The following AP4S1 variants were observed in gnomAD, a reference collection of about 807,000 sequenced individuals.
The protein encoded by AP4S1 is adaptor related protein complex 4 subunit sigma 1.
Under a neutral mutation model 19.8 loss-of-function variants are expected in AP4S1, and 23 were observed. That is an observed-to-expected ratio of 1.16 (90% CI 0.84 to 1.65). AP4S1 has a LOEUF of 1.65. AP4S1 is among the 40% of genes most tolerant of loss of function. The probability of loss-of-function intolerance (pLI) is 0.00; values close to 1 mark genes in which losing one functional copy is unlikely to be tolerated. For missense variants in AP4S1, 166 were observed against 172.8 expected (o/e 0.96, Z 0.22); for synonymous variants, 46 against 54.1 (o/e 0.85, Z 0.66).
At chr14:31,080,086 G>A (rs1479616380) in intron 4 of AP4S1, among the ~76,000 whole-genome samples, 3 of 151,894 alleles carry the variant, frequency 2.0e-5, no homozygotes, top group African/African-American at 4.8e-5. Context: ...GATATGCTAC[G>A]GTTTACTTAA....
At chr14:31,035,576 T>C (rs1884697318) in intron 1 of AP4S1, among the ~76,000 whole-genome samples, 1 of 151,586 alleles carries the variant, frequency 6.6e-6, no homozygotes, top group South Asian at 2.1e-4. Flanking sequence ...AAAAAGATGG[T>C]AATTCCAAAT....
At chr14:31,038,992 G>GT (rs11362456) in intron 1 of AP4S1, among the ~76,000 whole-genome samples, 147 of 142,582 alleles carry the variant, frequency 1.0e-3, no homozygotes, top group African/African-American at 2.7e-3. Context: ...AAATGTAGAG[G>GT]TTTTTTTTTT....
Position 31,078,801 on chromosome 14 carries a change from C to T in AP4S1, c.295-1772C>T, listed in dbSNP as rs188010588. ...TTATGCAGGACTTGGACGGTAGGTA[C>T]TAAGGGATGACTTGGCTTAGGATCA... On this transcript the variant is annotated intron_variant, in intron 4 of 5. Coordinates refer to ENST00000542754, the MANE Select transcript of AP4S1 (RefSeq NM_001128126.3). 2.6e-3 allele frequency among the ~76,000 whole-genome samples: 403 copies of T among 152,102 alleles called. 5 individuals carry two copies. The highest frequency in any genetic ancestry group is 1.6e-3 in the Non-Finnish European group (110 of 67,998).
At chr14:31,040,988 T>C (rs567269792) in intron 1 of AP4S1, among the ~76,000 whole-genome samples, 22 of 148,420 alleles carry the variant, frequency 1.5e-4, no homozygotes, top group Admixed American at 2.7e-4. Flanking sequence ...GGCAGGAGAA[T>C]GGTGTGAACC....
intron 1 of AP4S1, among the ~76,000 whole-genome samples, chr14:31,064,452 G>A (rs895600195): frequency 6.6e-6 from 1 of 152,050 alleles, no homozygotes; most frequent in African/African-American, 2.4e-5. Context: ...CTTCTGAGTA[G>A]CTGGGATTAC....
rs1243299643 is a variant in AP4S1 at position 31,094,084 on chromosome 14, T to A, written c.*1049T>A. The A allele has an allele frequency of 6.6e-6, 1 of 152,364 alleles. No homozygotes were observed. Among genetic ancestry groups the A allele is most frequent in the Non-Finnish European group, 1.5e-5 (1 of 68,234 alleles). 9.4% of individuals were successfully genotyped at this position (152,364 alleles called of 1,614,324 possible). ...TAGGGTTTCACCATGTTGGCCAGGC[T>A]GTTCTTGAACTCCTGACCTCAAGTG... On this transcript the variant is annotated 3_prime_UTR_variant, in exon 6 of 6. Coordinates refer to ENST00000542754, the MANE Select transcript of AP4S1 (RefSeq NM_001128126.3).
chr14:31,085,215 T>C, intron 5 of AP4S1: 2 of 1,077,250 alleles, frequency 1.9e-6, no homozygotes, highest in Non-Finnish European at 2.3e-6. Flanking sequence ...TCTGACTTCC[T>C]GGGCCCCTAG....
intron 1 of AP4S1, among the ~76,000 whole-genome samples, chr14:31,046,841 G>A (rs1286813791): frequency 1.1e-4 from 14 of 132,270 alleles, no homozygotes; most frequent in African/African-American, 3.0e-4. Flanking sequence ...GCGAGACTCC[G>A]TCTCAAAAAA....
intron 1 of AP4S1, among the ~76,000 whole-genome samples, chr14:31,062,563 C>A (rs754421790): frequency 1.3e-4 from 20 of 152,214 alleles, no homozygotes; most frequent in Non-Finnish European, 2.2e-4. Context: ...CATTAGCTTT[C>A]TTTGTATTCT....
At chr14:31,054,734 G>T (rs967521397) in intron 1 of AP4S1, among the ~76,000 whole-genome samples, 1 of 151,590 alleles carries the variant, frequency 6.6e-6, no homozygotes, top group African/African-American at 2.4e-5. Context: ...AGGGCATGGA[G>T]GTACGTGCCT....
At chr14:31,063,699 A>C in intron 1 of AP4S1, among the ~76,000 whole-genome samples, 1 of 152,226 alleles carries the variant, frequency 6.6e-6, no homozygotes, top group Admixed American at 6.5e-5. Context: ...AATGCACTAT[A>C]GTATCCTGGA....
At chr14:31,052,496 G>A (rs572960279) in intron 1 of AP4S1, among the ~76,000 whole-genome samples, 32 of 151,804 alleles carry the variant, frequency 2.1e-4, no homozygotes, top group African/African-American at 7.0e-4. Context: ...AGGCCAAGGC[G>A]GGCAGATCAC....
chr14:31,091,808 A>G (rs1400206074), intron 5 of AP4S1, among the ~76,000 whole-genome samples: 7 of 152,228 alleles, frequency 4.6e-5, no homozygotes, highest in East Asian at 3.8e-4. Context: ...TTAATTACCT[A>G]TTTGTTGAAT....
chr14:31,079,331 T>C (rs1038231832), intron 4 of AP4S1, among the ~76,000 whole-genome samples: 3 of 152,170 alleles, frequency 2.0e-5, no homozygotes, highest in African/African-American at 7.2e-5. Flanking sequence ...TCTAAACCCA[T>C]GGAATGTACA....
At chr14:31,078,030 G>A (rs1232215321) in intron 4 of AP4S1, among the ~76,000 whole-genome samples, 3 of 152,144 alleles carry the variant, frequency 2.0e-5, no homozygotes, top group South Asian at 2.1e-4. Flanking sequence ...CACCGTGCCC[G>A]GCCTTTATCA....
chr14:31,083,919 A>G (rs1322273324), intron 5 of AP4S1, among the ~76,000 whole-genome samples: 2 of 152,198 alleles, frequency 1.3e-5, no homozygotes, highest in African/African-American at 4.8e-5. Flanking sequence ...CACAGCAGAA[A>G]GATGAGGGGA....
chr14:31,038,962 T>C (rs1884933760), intron 1 of AP4S1, among the ~76,000 whole-genome samples: 1 of 150,930 alleles, frequency 6.6e-6, no homozygotes, highest in African/African-American at 2.4e-5. Flanking sequence ...CATTAATGAC[T>C]CATTTGTTTT....
At chr14:31,052,085 A>C (rs552204658) in intron 1 of AP4S1, among the ~76,000 whole-genome samples, 1 of 152,318 alleles carries the variant, frequency 6.6e-6, no homozygotes, top group South Asian at 2.1e-4. Flanking sequence ...AGCCTGGGCA[A>C]GATGGCAAAA....
chr14:31,073,383 C>A lies in AP4S1; in HGVS notation c.294+410C>A, dbSNP rs113744487. On this transcript the variant is annotated intron_variant, in intron 4 of 5. Coordinates refer to ENST00000542754, the MANE Select transcript of AP4S1 (RefSeq NM_001128126.3). ...TGGGCGCCTGTAGTCCCAGCTACTC[C>A]GGAGGCTGAGGCAGGAGAATGGCGT... Among the ~76,000 whole-genome samples, 664 of 131,470 alleles carry A rather than the reference C, an allele frequency of 5.1e-3. 5 individuals carry two copies. The highest frequency in any genetic ancestry group is 9.3e-3 in the Admixed American group (116 of 12,524). 86.2% of individuals were successfully genotyped at this position (131,470 alleles called of 152,430 possible).
Sources: allele counts gnomAD v4.1 joint callset (sites outside exome capture counted in the v4.1 genomes callset), GRCh38; gene constraint gnomAD v4.1.1; transcripts MANE v1.5; gene names NCBI Gene and HGNC (gene_info 2026-07-23, HGNC 2026-07-21).